IFRD1: variants seen among roughly 807,000 people sequenced by gnomAD.
IFRD1 encodes the protein interferon-related developmental regulator 1.
IFRD1 carries 35 observed loss-of-function variants against 52.9 expected under a neutral mutation model. The ratio of observed to expected loss-of-function variants is 0.66; its 90% CI spans 0.51 to 0.88. The LOEUF is 0.88. Among genes scored for constraint, IFRD1 ranks in the 40% least tolerant of loss-of-function variants. The probability of loss-of-function intolerance (pLI) is 0.00; values close to 1 mark genes in which losing one functional copy is unlikely to be tolerated. For missense variants in IFRD1, 517 were observed against 550.8 expected (o/e 0.94, Z 0.61); for synonymous variants, 184 against 188.4 (o/e 0.98, Z 0.19).
At chr7:112,427,248 C>T (rs1794447557) in intron 1 of IFRD1, among the ~76,000 whole-genome samples, 1 of 152,238 alleles carries the variant, frequency 6.6e-6, no homozygotes, top group Non-Finnish European at 1.5e-5. Flanking sequence ...GCAGAGCCCT[C>T]ATGACCTAAA....
intron 1 of IFRD1, chr7:112,450,999 G>A: frequency 1.7e-6 from 1 of 584,400 alleles, no homozygotes; most frequent in Admixed American, 3.0e-5. Flanking sequence ...TTGGGCACCG[G>A]CCGTGGGGGC....
intron 1 of IFRD1, among the ~76,000 whole-genome samples, chr7:112,436,513 A>G (rs1384431855): frequency 6.6e-6 from 1 of 152,032 alleles, no homozygotes; most frequent in African/African-American, 2.4e-5. Flanking sequence ...TTAATTCAAC[A>G]AATATTTGTT....
chr7:112,460,016 A>G (rs1795394444), intron 5 of IFRD1, among the ~76,000 whole-genome samples: 3 of 152,198 alleles, frequency 2.0e-5, no homozygotes, highest in African/African-American at 4.8e-5. Flanking sequence ...GAATATGTGC[A>G]GCTTTTAAAT....
chr7:112,475,205 A>G (rs902771621), intron 11 of IFRD1, among the ~76,000 whole-genome samples: 54 of 152,040 alleles, frequency 3.6e-4, no homozygotes, highest in Non-Finnish European at 5.9e-4. Context: ...TGATTCGCCC[A>G]CCTCGGCCTC....
intron 1 of IFRD1, among the ~76,000 whole-genome samples, chr7:112,441,191 C>CT (rs1465385867): frequency 1.4e-4 from 21 of 152,118 alleles, no homozygotes; most frequent in African/African-American, 5.1e-4. Context: ...AGAAGAACTG[C>CT]TTGAACCTGG....
chr7:112,440,281 G>A (rs574019993), intron 1 of IFRD1, among the ~76,000 whole-genome samples: 4 of 152,150 alleles, frequency 2.6e-5, no homozygotes, highest in Admixed American at 2.0e-4. Context: ...CACGGCACTC[G>A]GTCACAAAAG....
chr7:112,468,068 A>G lies in IFRD1; in HGVS notation c.994A>G (p.Lys332Glu). The stretch of plus-strand genomic sequence containing the variant: ...AAATAAACACCGGGCCAAAGTGGAC[A>G]AGAGAAAGCAGCGGTCAGTTTTCAG... The part of the protein sequence containing the change: ...DGNKHRAKVD[K>E]RKQRSVFRDV... The change falls in exon 9 of 12, where the codon AAG (lysine) becomes GAG (glutamate). Residue 332 changes from lysine (K) to glutamate (E), a missense_variant. By Grantham distance (56) the Lys-to-Glu change is moderately conservative (BLOSUM62 1). Transcript: ENST00000403825. 1 of 1,614,142 alleles carries G rather than the reference A, an allele frequency of 6.2e-7. No individual in the cohort carries two copies. Among genetic ancestry groups the G allele is most frequent in the Non-Finnish European group, 8.5e-7 (1 of 1,179,998 alleles).
At chr7:112,455,395 G>A (rs1192952699) in intron 1 of IFRD1, among the ~76,000 whole-genome samples, 1 of 152,098 alleles carries the variant, frequency 6.6e-6, no homozygotes, top group African/African-American at 2.4e-5. Context: ...CGAGGCAGGA[G>A]AATTGCTCGA....
upstream of IFRD1, among the ~76,000 whole-genome samples, chr7:112,448,126 T>TTA (rs1795070118): frequency 7.5e-6 from 1 of 132,964 alleles, no homozygotes; most frequent in Non-Finnish European, 1.6e-5. Flanking sequence ...CCTGTAGATT[T>TTA]AAAAAAAAAA....
intron 5 of IFRD1, chr7:112,461,327 A>G (rs192603200): frequency 6.6e-6 from 1 of 152,414 alleles, no homozygotes; most frequent in Admixed American, 6.5e-5. Flanking sequence ...TTAAAAACCA[A>G]TGGAATTGTA....
chr7:112,452,032 T>G, intron 1 of IFRD1: 7 of 981,536 alleles, frequency 7.1e-6, no homozygotes, highest in Non-Finnish European at 8.5e-6. Context: ...ACAGCAATTT[T>G]TTACATTTTT....
intron 8 of IFRD1, among the ~76,000 whole-genome samples, chr7:112,465,309 A>G (rs1488892949): frequency 6.6e-6 from 1 of 152,232 alleles, no homozygotes; most frequent in African/African-American, 2.4e-5. Flanking sequence ...ACTTCTGTAT[A>G]GAAATAATAG....
chr7:112,433,027 G>C (rs561788790), intron 1 of IFRD1, among the ~76,000 whole-genome samples: 1 of 152,270 alleles, frequency 6.6e-6, no homozygotes, highest in African/African-American at 2.4e-5. Flanking sequence ...ATACGGCACT[G>C]TAAGACATTT....
chr7:112,435,655 T>TGTGTGTGTGTGTGTGTGTGTGTGTGCGC (rs775779479), intron 1 of IFRD1: 11 of 149,134 alleles, frequency 7.4e-5, no homozygotes, highest in African/African-American at 2.3e-4. Context: ...TGTGTGTGTG[T>TGTGTGTGTGTGTGTGTGTGTGTGTGCGC]GCGTGCTTGT....
chr7:112,444,127 T>C (rs908910983), intron 1 of IFRD1, among the ~76,000 whole-genome samples: 1 of 152,242 alleles, frequency 6.6e-6, no homozygotes, highest in Non-Finnish European at 1.5e-5. Context: ...CTAGTTTGGC[T>C]GTGTGTATTA....
chr7:112,470,077 C>A (rs1222514262), intron 9 of IFRD1, among the ~76,000 whole-genome samples: 1 of 152,112 alleles, frequency 6.6e-6, no homozygotes, highest in African/African-American at 2.4e-5. Flanking sequence ...GGCTGCCACA[C>A]CATTTCTTTT....
Position 112,455,762 on chromosome 7 carries a change from G to A in IFRD1, c.95-1G>A. On this transcript the variant is annotated splice_acceptor_variant, in intron 1 of 11. Coordinates refer to ENST00000403825, the MANE Select transcript of IFRD1 (RefSeq NM_001550.4). LOFTEE classifies it high-confidence loss of function. ...TACCTCTTTCCTCTTTTACCTAATA[G>A]GTGGCCAGCATCGAAATGTTCAGCC... 2 of 1,597,060 alleles carry A rather than the reference G, an allele frequency of 1.3e-6. No homozygotes were observed. Among genetic ancestry groups the A allele is most frequent in the Non-Finnish European group, 1.7e-6 (2 of 1,164,708 alleles).
chr7:112,440,280 C>T (rs1265082399), intron 1 of IFRD1, among the ~76,000 whole-genome samples: 2 of 152,086 alleles, frequency 1.3e-5, no homozygotes, highest in African/African-American at 4.8e-5. Context: ...CCACGGCACT[C>T]GGTCACAAAA....
chr7:112,452,166 T>C, intron 1 of IFRD1: 1 of 960,112 alleles, frequency 1.0e-6, no homozygotes, highest in Non-Finnish European at 1.2e-6. Flanking sequence ...TTTTTTTTTT[T>C]TTGTTAAGGG....
Sources: allele counts gnomAD v4.1 joint callset (sites outside exome capture counted in the v4.1 genomes callset), GRCh38; gene constraint gnomAD v4.1.1; transcripts MANE v1.5; gene names NCBI Gene and HGNC (gene_info 2026-07-23, HGNC 2026-07-21).